Variants in PHGDH observed in about 807,000 individuals in gnomAD.
The protein encoded by PHGDH is D-3-phosphoglycerate dehydrogenase.
PHGDH carries 50 observed loss-of-function variants against 52.6 expected under a neutral mutation model. The ratio of observed to expected loss-of-function variants is 0.95; its 90% CI spans 0.76 to 1.20. The LOEUF is 1.20. PHGDH is among the 50% of genes most tolerant of loss of function. PHGDH has a pLI of 0.00. For missense variants in PHGDH, 630 were observed against 684.6 expected, an observed-to-expected ratio of 0.92 and a Z score of 0.89; for synonymous variants, 271 against 280.5, an observed-to-expected ratio of 0.97 and a Z score of 0.34.
At chr1:119,717,971 G>C (rs1570987565) in intron 1 of PHGDH, among the ~76,000 whole-genome samples, 1 of 152,188 alleles carries the variant, frequency 6.6e-6, no homozygotes, top group East Asian at 1.9e-4. Context: ...TTATTCAATG[G>C]AAGTGTATAA....
chr1:119,715,302 C>G (rs1319483506), intron 1 of PHGDH, among the ~76,000 whole-genome samples: 1 of 152,210 alleles, frequency 6.6e-6, no homozygotes, highest in Non-Finnish European at 1.5e-5. Flanking sequence ...TGAAGCACAT[C>G]CATACCTTCA....
At chr1:119,732,767 GC>G (rs1182484143) in intron 5 of PHGDH, among the ~76,000 whole-genome samples, 3 of 152,146 alleles carry the variant, frequency 2.0e-5, no homozygotes, top group Non-Finnish European at 2.9e-5. Context: ...CCTCCCTCCA[GC>G]CCCAGTCACC....
At chr1:119,743,196 A>C in intron 11 of PHGDH, 152 bp downstream of exon 11, 2 of 720,738 alleles carry the variant, frequency 2.8e-6, no homozygotes. Flanking sequence ...GCCAGTTTTC[A>C]GAACCTTCAG....
intron 11 of PHGDH, 57 bp downstream of exon 11, chr1:119,743,101 C>T (rs1289482090): frequency 8.9e-7 from 1 of 1,124,192 alleles, no homozygotes; most frequent in African/African-American, 1.5e-5. Context: ...GGGGTCTGCC[C>T]TGGAATTGAA....
At chr1:119,733,081 C>T (rs923688127) in intron 5 of PHGDH, among the ~76,000 whole-genome samples, 3 of 152,200 alleles carry the variant, frequency 2.0e-5, no homozygotes, top group African/African-American at 7.2e-5. Context: ...GAGTAGGTTA[C>T]AGCCGAGGGG....
At chr1:119,723,512 G>GTA in intron 3 of PHGDH, 71 bp downstream of exon 3, 1 of 1,215,068 alleles carries the variant, frequency 8.2e-7, no homozygotes, top group Non-Finnish European at 1.2e-6. Context: ...CAAGCAAATG[G>GTA]ACCCAGAAAA....
chr1:119,740,706 G>C (rs180837227), intron 9 of PHGDH, among the ~76,000 whole-genome samples, 188 bp downstream of exon 9: 1 of 152,184 alleles, frequency 6.6e-6, no homozygotes, highest in Non-Finnish European at 1.5e-5. Context: ...AAAAAAAGTC[G>C]TTGGAAAGAT....
In PHGDH at chr1:119,721,245, G is replaced by T. The variant is rs958052810; in HGVS notation, c.214G>T (p.Val72Leu). 6.2e-7 allele frequency: 1 copy of T among 1,614,076 alleles called. No homozygotes were observed. Among genetic ancestry groups the T allele is most frequent in the Non-Finnish European group, 8.5e-7 (1 of 1,180,058 alleles). Residue 72 changes from valine (V) to leucine (L), a missense_variant, in exon 2 of 12, where the codon GTG becomes TTG. By Grantham distance (32) the Val-to-Leu change is conservative. Coordinates refer to ENST00000641023, the MANE Select transcript of PHGDH (RefSeq NM_006623.4). ...CATCAACGCAGCTGAGAAACTCCAG[G>T]TGGTGGGCAGGGCTGGCACAGGTGT... ...DVINAAEKLQ[V>L]VGRAGTGVDN...
At position 119,727,066 on chromosome 1, in the gene PHGDH, A is replaced by C. The variant is rs1306977353; in HGVS notation, c.474A>C (p.Arg158Ser). ...LGILGLGRIGREVATRMQSFG... is the reference protein window; with the variant it reads ...LGILGLGRIGSEVATRMQSFG... ...TTCTTGGCCTGGGCAGGATTGGGAG[A>C]GAGGTAGCTACCCGGATGCAGTCCT... is the stretch of plus-strand genomic sequence containing the variant. The change falls in exon 5 of 12, where the codon AGA becomes AGC. Residue 158 changes from arginine to serine, a missense_variant. Coordinates refer to ENST00000641023, the MANE Select transcript of PHGDH (RefSeq NM_006623.4). 1.2e-6 allele frequency: 2 copies of C among 1,611,870 alleles called. No homozygotes were observed. Among genetic ancestry groups the C allele is most frequent in the African/African-American group, 2.7e-5 (2 of 74,990 alleles).
intron 1 of PHGDH, 83 bp downstream of exon 1, chr1:119,712,243 C>A: frequency 1.6e-6 from 2 of 1,231,698 alleles, no homozygotes; most frequent in South Asian, 1.3e-5. Context: ...GCGCGCCCCC[C>A]TCGCATGCAC....
chr1:119,729,001 T>G (rs587684552), intron 5 of PHGDH, among the ~76,000 whole-genome samples: 49 of 152,332 alleles, frequency 3.2e-4, no homozygotes, highest in Admixed American at 5.9e-4. Flanking sequence ...TAAGGACTCA[T>G]AGCAAATGGA....
At chr1:119,735,890 G>A (rs1371202488) in intron 7 of PHGDH, among the ~76,000 whole-genome samples, 1 of 152,170 alleles carries the variant, frequency 6.6e-6, no homozygotes, top group Non-Finnish European at 1.5e-5. Flanking sequence ...TTGCTGGGTG[G>A]ACAGAAGCCC....
intron 6 of PHGDH, 169 bp downstream of exon 6, chr1:119,734,935 A>C (rs751005774): frequency 8.1e-6 from 6 of 744,482 alleles, no homozygotes; most frequent in Non-Finnish European, 1.4e-5. Context: ...TGGATAGGGG[A>C]GGGTGAGCCA....
chr1:119,720,968 C>A (rs1214685326), intron 1 of PHGDH: 9 of 622,180 alleles, frequency 1.4e-5, no homozygotes, highest in Non-Finnish European at 2.7e-5. Flanking sequence ...CAGTCTCCTC[C>A]ACTCTAAGTA....
chr1:119,737,208 G>A lies in PHGDH; in HGVS notation c.887G>A (p.Gly296Glu), dbSNP rs745971935. Residue 296 changes from glycine to glutamate, a missense_variant, in exon 8 of 12, where the codon GGG (glycine) becomes GAG (glutamate). Gly to Glu is a moderately conservative substitution (Grantham distance 98). Coordinates refer to ENST00000641023, the MANE Select transcript of PHGDH (RefSeq NM_006623.4). ...ASTKEAQSRCGEEIAVQFVDM... is the reference protein window; with the variant it reads ...ASTKEAQSRCEEEIAVQFVDM... ...ACCAAGGAGGCTCAGAGCCGCTGTG[G>A]GGAGGAAATTGCTGTTCAGTTCGTG... is the stretch of plus-strand genomic sequence containing the variant. The A allele has an allele frequency of 1.2e-6, 2 of 1,614,184 alleles. No individual in the cohort carries two copies. Among genetic ancestry groups the A allele is most frequent in the Admixed American group, 3.3e-5 (2 of 60,034 alleles).
chr1:119,712,794 G>A lies in PHGDH; in HGVS notation c.138+634G>A, dbSNP rs1324487675. 4.6e-5 allele frequency among the ~76,000 whole-genome samples: 7 copies of A among 152,306 alleles called. No homozygotes were observed. The South Asian group carries it at 1.4e-3, about 32-fold the overall frequency. On this transcript the variant is annotated intron_variant, in intron 1 of 11. Transcript: ENST00000641023. ...GGCAGCAAACACGTACCCGCCCCTC[G>A]TCTGATGCAAGACTGCTCCGTGCTT...
At chr1:119,712,504 T>A in intron 1 of PHGDH, 1 of 347,726 alleles carries the variant, frequency 2.9e-6, no homozygotes, top group South Asian at 2.4e-5. Context: ...TAGCGCGCAA[T>A]TGTTCTGGCA....
At chr1:119,722,018 C>T (rs922948299) in intron 2 of PHGDH, among the ~76,000 whole-genome samples, 3 of 152,256 alleles carry the variant, frequency 2.0e-5, no homozygotes, top group Non-Finnish European at 4.4e-5. Flanking sequence ...TTTTCTCTTC[C>T]CTTGGGGACT....
chr1:119,718,787 A>G (rs1651033493), intron 1 of PHGDH, among the ~76,000 whole-genome samples: 1 of 152,202 alleles, frequency 6.6e-6, no homozygotes, highest in East Asian at 1.9e-4. Flanking sequence ...GATATATGGT[A>G]TAGAGTAGAT....
Sources: allele counts gnomAD v4.1 joint callset (sites outside exome capture counted in the v4.1 genomes callset), GRCh38; gene constraint gnomAD v4.1.1; transcripts MANE v1.5; gene names NCBI Gene and HGNC (gene_info 2026-07-23, HGNC 2026-07-21).